Variants in SFR1 observed in about 807,000 individuals in gnomAD.
SFR1 encodes swi5-dependent recombination DNA repair protein 1 homolog.
In SFR1, 24 loss-of-function variants were observed where a neutral mutation model predicts 26.2. The ratio of observed to expected loss-of-function variants is 0.92; its 90% CI spans 0.66 to 1.29. The LOEUF (loss-of-function observed/expected upper bound fraction) is 1.29. Ranked by LOEUF, SFR1 falls within the 50% of genes most tolerant of loss-of-function variation. The pLI is 0.00. For synonymous variants in SFR1, 77 were observed against 96.6 expected, an observed-to-expected ratio of 0.80 and a Z score of 1.19; for missense variants, 276 against 270.2, an observed-to-expected ratio of 1.02 and a Z score of -0.15.
chr10:104,121,963 G>A (rs942659979), upstream of SFR1: 12 of 500,540 alleles, frequency 2.4e-5, no homozygotes, highest in African/African-American at 2.3e-4. Context: ...TGCCAATCAT[G>A]CGTCTGGGCC....
At position 104,122,202 on chromosome 10, in the gene SFR1, C is replaced by G. The variant is rs376865774; in HGVS notation, c.13+6C>G. 2 of 1,543,520 alleles carry G rather than the reference C, an allele frequency of 1.3e-6. No individual in the cohort carries two copies. The highest frequency in any genetic ancestry group is 1.4e-5 in the African/African-American group (1 of 72,152). On this transcript the variant is annotated splice_donor_region_variant and intron_variant, in intron 1 of 3. Coordinates refer to ENST00000369727, the MANE Select transcript of SFR1 (RefSeq NM_001002759.2). ...GCTGGGAATGGCGGAGGGAGGTACC[C>G]TGCTGAGGGGAAGGGGGGATCCCTG...
intron 1 of SFR1, 46 bp downstream of exon 1, chr10:104,122,242 C>T (rs971888650): frequency 6.6e-7 from 1 of 1,514,800 alleles, no homozygotes; most frequent in South Asian, 1.2e-5. Flanking sequence ...CTGGGCTTCC[C>T]CGGGAGTCGG....
Position 104,123,854 on chromosome 10 carries a change from G to A in SFR1, c.276G>A (p.Glu92=). The change falls in exon 3 of 4, where the codon GAG becomes GAA. Residue 92 remains glutamate, a synonymous_variant. Transcript: ENST00000369727. ...TFSEKPASST[E]ENCLEFQESF... ...CAGAGAAACCAGCATCTTCCACAGA[G>A]GAAAACTGTTTGGAATTTCAAGAAA... The A allele has an allele frequency of 6.2e-7, 1 of 1,613,162 alleles. No homozygotes were observed. Among genetic ancestry groups the A allele is most frequent in the South Asian group, 1.1e-5 (1 of 91,010 alleles).
chr10:104,121,087 C>A (rs1054489310), upstream of SFR1, among the ~76,000 whole-genome samples: 1 of 146,740 alleles, frequency 6.8e-6, no homozygotes, highest in Admixed American at 6.6e-5. Flanking sequence ...AACAGAACCT[C>A]GCCATACTGG....
upstream of SFR1, chr10:104,122,039 G>T: frequency 9.9e-7 from 1 of 1,008,064 alleles, no homozygotes. Context: ...CAGTCCCACC[G>T]CTCTGAGTCG....
chr10:104,123,479 G>A lies in SFR1; in HGVS notation c.136-235G>A, dbSNP rs57566749. ...TGAACAAATGTTCCTTGATTACTGG[G>A]ATAAACTTCTCAACACTTTTGGAAA... On this transcript the variant is annotated intron_variant, in intron 2 of 3. Coordinates refer to ENST00000369727, the MANE Select transcript of SFR1 (RefSeq NM_001002759.2). The A allele has an allele frequency of 1.1e-3, 458 of 418,426 alleles. 3 individuals carry two copies. Among genetic ancestry groups the A allele is most frequent in the African/African-American group, 8.8e-3 (428 of 48,900 alleles). The allele number at this position is 418,426 out of a possible 1,614,324, so 25.9% of individuals were successfully genotyped here.
intron 3 of SFR1, among the ~76,000 whole-genome samples, chr10:104,124,485 G>GT (rs1238424161): frequency 7.9e-5 from 12 of 151,326 alleles, no homozygotes; most frequent in African/African-American, 2.7e-4. Context: ...ACAATAAAAG[G>GT]TATTTTTAGT....
chr10:104,123,461 A>AT, intron 2 of SFR1: 1 of 400,524 alleles, frequency 2.5e-6, no homozygotes. Context: ...TACTGAACAA[A>AT]TGTTCCTTGA....
rs1471435262 is a variant in SFR1, at chr10:104,123,866, G to A, written c.288G>A (p.Leu96=). ...CATCTTCCACAGAGGAAAACTGTTTGGAATTTCAAGAAAGTTTTAAACATA... is the reference window on the plus strand; with the variant it reads ...CATCTTCCACAGAGGAAAACTGTTTAGAATTTCAAGAAAGTTTTAAACATA... ...KPASSTEENC[L]EFQESFKHID... is the part of the protein sequence containing the mutation. Residue 96 remains leucine, a synonymous_variant, in exon 3 of 4, where the codon TTG becomes TTA. Transcript: ENST00000369727. The A allele has an allele frequency of 6.2e-7, 1 of 1,613,062 alleles. No individual in the cohort carries two copies.
chr10:104,123,646 C>T (rs1423179718), intron 2 of SFR1, 68 bp from the exon 3 acceptor site: 24 of 1,296,468 alleles, frequency 1.9e-5, no homozygotes, highest in Non-Finnish European at 2.5e-5. Flanking sequence ...GACTTTATTT[C>T]TGGTGATTTA....
rs1334608718 is a variant in SFR1, at chr10:104,123,825, T to C, written c.247T>C (p.Phe83Leu). The C allele has an allele frequency of 3.7e-6, 6 of 1,612,928 alleles. No homozygotes were observed. In the Admixed American group the frequency reaches 1.0e-4, roughly 27 times the overall value. ...KVESEENDQTFSEKPASSTEE... is the reference protein window; with the variant it reads ...KVESEENDQTLSEKPASSTEE... The stretch of plus-strand genomic sequence containing the variant: ...AGAGAGTGAAGAAAATGATCAGACC[T>C]TTTCAGAGAAACCAGCATCTTCCAC... Residue 83 changes from phenylalanine (F) to leucine (L), a missense_variant, in exon 3 of 4, where the codon TTT (phenylalanine) becomes CTT (leucine). Phe to Leu is a conservative substitution (Grantham distance 22, BLOSUM62 0). Coordinates refer to ENST00000369727, the MANE Select transcript of SFR1 (RefSeq NM_001002759.2).
chr10:104,123,118 A>G, intron 2 of SFR1, 32 bp downstream of exon 2: 1 of 1,499,626 alleles, frequency 6.7e-7, no homozygotes, highest in Non-Finnish European at 9.0e-7. Context: ...CAGTGGATCC[A>G]TTATGTGTTT....
At chr10:104,120,782 T>C (rs148027733), upstream of SFR1, among the ~76,000 whole-genome samples, 171 of 152,266 alleles carry the variant, frequency 1.1e-3, no homozygotes, top group East Asian at 3.5e-3. Flanking sequence ...CCTAGACAAT[T>C]TGACTGTAAC....
At position 104,125,766 on chromosome 10, in the gene SFR1, AC is replaced by A. The variant is rs1222409422; in HGVS notation, c.*63del. On this transcript the variant is annotated 3_prime_UTR_variant, in exon 4 of 4. Transcript: ENST00000369727. The stretch of plus-strand genomic sequence containing the variant: ...CAACTTAATTAAAAGATACTTAGGC[AC>A]TTTTTTTTTTTTTTTGAGACTGAGT... 3 of 1,097,048 alleles carry A rather than the reference AC, an allele frequency of 2.7e-6. No individual in the cohort carries two copies. The highest frequency in any genetic ancestry group is 2.8e-5 in the Admixed American group (1 of 35,304). 68.0% of individuals were successfully genotyped at this position (1,097,048 alleles called of 1,614,324 possible).
intron 1 of SFR1, 75 bp downstream of exon 1, chr10:104,122,271 CT>C: frequency 6.8e-7 from 1 of 1,469,912 alleles, no homozygotes; most frequent in Non-Finnish European, 9.1e-7. Context: ...TCGAGTTGAG[CT>C]CCCTTTCCGG....
Position 104,122,194 on chromosome 10 carries a change from G to T in SFR1, c.11G>T (p.Gly4Val). ...TTGCTCTCGCTGGGAATGGCGGAGG[G>T]AGGTACCCTGCTGAGGGGAAGGGGG... MAE[G>V]EKNQDFTFKM... Residue 4 changes from glycine (G) to valine (V), a missense_variant and splice_region_variant, in exon 1 of 4, where the codon GGA (glycine) becomes GTA (valine). Transcript: ENST00000369727. 1 of 1,546,372 alleles carries T rather than the reference G, an allele frequency of 6.5e-7. No homozygotes were observed. Among genetic ancestry groups the T allele is most frequent in the Non-Finnish European group, 8.7e-7 (1 of 1,145,018 alleles).
At chr10:104,121,958 A>G, upstream of SFR1, 1 of 521,414 alleles carries the variant, frequency 1.9e-6, no homozygotes, top group Non-Finnish European at 3.4e-6. Flanking sequence ...AATTCTGCCA[A>G]TCATGCGTCT....
chr10:104,121,117 G>C (rs771547317), upstream of SFR1, among the ~76,000 whole-genome samples: 1 of 151,636 alleles, frequency 6.6e-6, no homozygotes, highest in Non-Finnish European at 1.5e-5. Flanking sequence ...GCGGGGGGGG[G>C]ATTTTCTCGA....
intron 1 of SFR1, 175 bp downstream of exon 1, chr10:104,122,371 G>A: frequency 1.0e-6 from 1 of 985,340 alleles, no homozygotes; most frequent in Non-Finnish European, 1.2e-6. Flanking sequence ...GACGACTCCC[G>A]CCCCTAGTTT....
Sources: gnomAD v4.1 joint callset for allele counts (sites outside exome capture counted in the v4.1 genomes callset) on GRCh38, gnomAD v4.1.1 for gene constraint, MANE v1.5 for transcripts, NCBI Gene and HGNC (gene_info 2026-07-23, HGNC 2026-07-21) for gene names.